The following NEGR1 variants were observed in gnomAD, a reference collection of about 807,000 sequenced individuals.
NEGR1 encodes the protein neuronal growth regulator 1.
A neutral mutation model predicts 40.9 loss-of-function variants in NEGR1; 10 were observed. That is an observed-to-expected ratio of 0.24 (90% CI 0.15 to 0.42). The LOEUF (loss-of-function observed/expected upper bound fraction) is 0.42, where lower values mean the gene tolerates loss of function less well. Among genes scored for constraint, NEGR1 ranks in the 10% least tolerant of loss-of-function variants. The pLI is 1.00. For synonymous variants in NEGR1, 185 were observed against 166.8 expected, an observed-to-expected ratio of 1.11 and a Z score of -0.84; for missense variants, 352 against 438.9, an observed-to-expected ratio of 0.80 and a Z score of 1.77.
At chr1:71,537,986 C>G (rs1481564941) in intron 6 of NEGR1, among the ~76,000 whole-genome samples, 1 of 151,542 alleles carries the variant, frequency 6.6e-6, no homozygotes, top group Non-Finnish European at 1.5e-5. Context: ...TCACTGTGGG[C>G]TATTTGCATT....
chr1:72,070,098 A>T (rs1020965082), intron 1 of NEGR1, among the ~76,000 whole-genome samples: 2 of 152,070 alleles, frequency 1.3e-5, no homozygotes, highest in African/African-American at 4.8e-5. Context: ...TTTTTAAAAA[A>T]TTAATACCAT....
At chr1:72,265,611 T>A (rs946190726) in intron 1 of NEGR1, among the ~76,000 whole-genome samples, 8 of 150,878 alleles carry the variant, frequency 5.3e-5, no homozygotes, top group African/African-American at 1.9e-4. Context: ...CACCAGAAAC[T>A]AAAAGTTTTT....
chr1:71,474,556 A>T (rs1646806510), intron 6 of NEGR1, among the ~76,000 whole-genome samples: 1 of 149,658 alleles, frequency 6.7e-6, no homozygotes, highest in East Asian at 2.0e-4. Flanking sequence ...ACACACACAC[A>T]CACAATTAGC....
intron 1 of NEGR1, chr1:72,275,242 G>C (rs1557609809): frequency 1.7e-6 from 1 of 573,468 alleles, no homozygotes; most frequent in Non-Finnish European, 3.1e-6. Context: ...TATTCATAAT[G>C]ATCTTAAAAG....
chr1:71,514,351 T>C (rs1370913261), intron 6 of NEGR1, among the ~76,000 whole-genome samples: 2 of 69,262 alleles, frequency 2.9e-5, no homozygotes, highest in Admixed American at 1.6e-4. Flanking sequence ...AGAGCAGTGG[T>C]TCTCCCAGCA....
intron 1 of NEGR1, among the ~76,000 whole-genome samples, chr1:72,161,790 T>G (rs997570841): frequency 5.5e-4 from 81 of 147,700 alleles, no homozygotes; most frequent in Middle Eastern, 3.5e-3. Flanking sequence ...GCGATCCTCC[T>G]GCCTCAGCCT....
intron 6 of NEGR1, among the ~76,000 whole-genome samples, chr1:71,409,517 G>A (rs984376892): frequency 3.9e-5 from 6 of 151,962 alleles, no homozygotes; most frequent in African/African-American, 7.2e-5. Flanking sequence ...TTGAAAATGC[G>A]TTTTTGGGCA....
chr1:71,866,157 A>G (rs778857777), intron 2 of NEGR1, among the ~76,000 whole-genome samples: 1 of 152,102 alleles, frequency 6.6e-6, no homozygotes, highest in African/African-American at 2.4e-5. Flanking sequence ...AAAAAAGGCA[A>G]GTAAAATGTC....
intron 1 of NEGR1, among the ~76,000 whole-genome samples, chr1:71,952,894 A>G (rs1402297564): frequency 6.6e-6 from 1 of 151,546 alleles, no homozygotes. Flanking sequence ...CCTGGATGGC[A>G]GCACATTTTT....
At chr1:71,666,166 C>A (rs775998940) in intron 4 of NEGR1, among the ~76,000 whole-genome samples, 12 of 152,272 alleles carry the variant, frequency 7.9e-5, no homozygotes, top group Non-Finnish European at 1.5e-4. Flanking sequence ...CTAAAACTTA[C>A]CATCACTCAA....
chr1:71,945,008 T>TA (rs1042695836), intron 1 of NEGR1, among the ~76,000 whole-genome samples: 1 of 152,124 alleles, frequency 6.6e-6, no homozygotes, highest in Non-Finnish European at 1.5e-5. Flanking sequence ...CAGCTTCCTG[T>TA]AAAAAAATTA....
intron 1 of NEGR1, among the ~76,000 whole-genome samples, chr1:72,088,796 C>CTTTTTTTT (rs71074816): frequency 4.0e-5 from 3 of 74,906 alleles, no homozygotes; most frequent in Non-Finnish European, 7.6e-5. Flanking sequence ...CTCTCTCTCT[C>CTTTTTTTT]TTTTTTTTTT....
At chr1:71,685,910 C>T (rs1277549520) in intron 4 of NEGR1, among the ~76,000 whole-genome samples, 2 of 151,920 alleles carry the variant, frequency 1.3e-5, no homozygotes, top group Non-Finnish European at 1.5e-5. Flanking sequence ...CGCGACGGAG[C>T]TTAGCTGGTT....
At chr1:71,984,753 G>T (rs1040719828) in intron 1 of NEGR1, among the ~76,000 whole-genome samples, 2 of 152,010 alleles carry the variant, frequency 1.3e-5, no homozygotes, top group Non-Finnish European at 2.9e-5. Context: ...ATTTTTCAGA[G>T]AAATTATTGA....
chr1:72,000,778 C>A (rs1378121104), intron 1 of NEGR1, among the ~76,000 whole-genome samples: 1 of 152,106 alleles, frequency 6.6e-6, no homozygotes, highest in Non-Finnish European at 1.5e-5. Context: ...TTATTTTACG[C>A]TATCACTGTC....
intron 2 of NEGR1, among the ~76,000 whole-genome samples, chr1:71,917,702 C>T (rs1284194401): frequency 6.7e-6 from 1 of 150,228 alleles, no homozygotes; most frequent in East Asian, 2.0e-4. Flanking sequence ...ATGGCGTGAA[C>T]CCGGGAGGCG....
Position 71,485,727 on chromosome 1 carries a change from G to A in NEGR1, c.941-78157C>T, listed in dbSNP as rs72674998. ...AGACTGTCTTCTTTCACTTAATAAT[G>A]TGCAATTAACCATCCTGTATGTCTT... On this transcript the variant is annotated intron_variant, in intron 6 of 6. Coordinates refer to ENST00000357731, the MANE Select transcript of NEGR1 (RefSeq NM_173808.3). Among the ~76,000 whole-genome samples, 626 of 151,652 alleles carry A rather than the reference G, an allele frequency of 4.1e-3. 5 individuals carry two copies. Among genetic ancestry groups the A allele is most frequent in the Non-Finnish European group, 7.0e-3 (475 of 67,712 alleles).
intron 6 of NEGR1, among the ~76,000 whole-genome samples, chr1:71,549,932 T>G (rs1253452607): frequency 6.6e-6 from 1 of 151,686 alleles, no homozygotes; most frequent in Non-Finnish European, 1.5e-5. Context: ...AATGCATGTC[T>G]AATCTGTGCC....
intron 6 of NEGR1, among the ~76,000 whole-genome samples, chr1:71,536,407 T>C (rs1039587511): frequency 4.6e-5 from 7 of 151,650 alleles, no homozygotes; most frequent in Non-Finnish European, 1.0e-4. Flanking sequence ...GCCGGGAATC[T>C]TAGGCCTGCT....
Sources: gnomAD v4.1 joint callset for allele counts (sites outside exome capture counted in the v4.1 genomes callset) on GRCh38, gnomAD v4.1.1 for gene constraint, MANE v1.5 for transcripts, NCBI Gene and HGNC (gene_info 2026-07-23, HGNC 2026-07-21) for gene names.